The following IQSEC1 variants were observed in gnomAD, a reference collection of about 807,000 sequenced individuals.
IQSEC1 encodes IQ motif and SEC7 domain-containing protein 1.
In IQSEC1, 31 loss-of-function variants were observed where a neutral mutation model predicts 91.0. The observed-to-expected ratio is 0.34, with a 90% CI of 0.26 to 0.46. IQSEC1 has a LOEUF of 0.46. Among genes scored for constraint, IQSEC1 ranks in the 20% least tolerant of loss-of-function variants. The pLI is 1.00. For missense variants in IQSEC1, 1,388 were observed against 1,575.6 expected, an observed-to-expected ratio of 0.88 and a Z score of 2.02; for synonymous variants, 699 against 662.6, an observed-to-expected ratio of 1.05 and a Z score of -0.84.
At chr3:13,006,423 T>C (rs987641925) in intron 1 of IQSEC1, among the ~76,000 whole-genome samples, 1 of 152,046 alleles carries the variant, frequency 6.6e-6, no homozygotes, top group African/African-American at 2.4e-5. Flanking sequence ...GGGACCCCCA[T>C]GTGAGGAGGC....
intron 1 of IQSEC1, among the ~76,000 whole-genome samples, chr3:13,241,274 A>T (rs1695017496): frequency 6.6e-6 from 1 of 152,240 alleles, no homozygotes; most frequent in Non-Finnish European, 1.5e-5. Flanking sequence ...GCCAGACACA[A>T]GCAGGCGAAA....
chr3:12,950,038 C>A (rs574650720), intron 1 of IQSEC1, among the ~76,000 whole-genome samples: 49 of 152,346 alleles, frequency 3.2e-4, no homozygotes, highest in African/African-American at 1.2e-3. Context: ...GGGTCACCCA[C>A]ACGTATGCTC....
intron 2 of IQSEC1, among the ~76,000 whole-genome samples, chr3:13,107,987 T>C (rs941426414): frequency 1.3e-5 from 2 of 152,224 alleles, no homozygotes; most frequent in Admixed American, 1.3e-4. Context: ...CTGCCACTCG[T>C]ATCTTATGGC....
intron 1 of IQSEC1, among the ~76,000 whole-genome samples, chr3:13,198,317 T>C (rs888004673): frequency 6.6e-6 from 1 of 151,936 alleles, no homozygotes; most frequent in Non-Finnish European, 1.5e-5. Flanking sequence ...AAACACAAAA[T>C]ATTTAAAGAG....
At chr3:13,185,677 C>T (rs546560023) in intron 1 of IQSEC1, among the ~76,000 whole-genome samples, 42 of 152,254 alleles carry the variant, frequency 2.8e-4, no homozygotes, top group African/African-American at 9.1e-4. Context: ...ATGGGGAACC[C>T]GAGGTTCACA....
intron 2 of IQSEC1, 25 bp from the exon 3 acceptor site, chr3:12,936,722 AAC>A: frequency 1.9e-6 from 3 of 1,544,056 alleles, no homozygotes; most frequent in Non-Finnish European, 1.7e-6. Context: ...GGAGAATGAG[AAC>A]AGCACTGCAT....
intron 1 of IQSEC1, among the ~76,000 whole-genome samples, chr3:13,018,412 A>G (rs759531030): frequency 2.0e-4 from 30 of 152,308 alleles, no homozygotes; most frequent in Non-Finnish European, 3.7e-4. Context: ...CCTGGGCCCC[A>G]TGTGTTCCAA....
intron 1 of IQSEC1, among the ~76,000 whole-genome samples, chr3:13,237,542 G>T (rs561311692): frequency 3.9e-5 from 6 of 152,170 alleles, no homozygotes. Context: ...TGCAGGCCCC[G>T]GTTCCCCCAC....
chr3:13,132,694 T>C (rs1048240464), intron 2 of IQSEC1, among the ~76,000 whole-genome samples: 6 of 152,346 alleles, frequency 3.9e-5, no homozygotes, highest in African/African-American at 1.2e-4. Flanking sequence ...CAGGGATTCA[T>C]TGTCTGATGT....
Position 13,060,391 on chromosome 3 carries a change from G to A in IQSEC1, c.23+12601C>T, listed in dbSNP as rs1191131119. ...CTGCAGTGAACAGGCTCCTGCGGTGGGGCCCGGGACCTTACGGCTGGATCC... is the reference window on the plus strand; with the variant it reads ...CTGCAGTGAACAGGCTCCTGCGGTGAGGCCCGGGACCTTACGGCTGGATCC... On this transcript the variant is annotated intron_variant, in intron 1 of 13. Coordinates refer to ENST00000613206, the MANE Select transcript of IQSEC1 (RefSeq NM_001134382.3). Among the ~76,000 whole-genome samples the A allele has an allele frequency of 2.0e-5, 3 of 147,474 alleles. No individual in the cohort carries two copies. In the East Asian group the frequency reaches 6.0e-4, roughly 30 times the overall value.
At chr3:13,128,659 A>T (rs1706557610) in intron 2 of IQSEC1, among the ~76,000 whole-genome samples, 1 of 152,050 alleles carries the variant, frequency 6.6e-6, no homozygotes, top group African/African-American at 2.4e-5. Context: ...AGGTCAGGAG[A>T]TCGAGACCAT....
intron 10 of IQSEC1, among the ~76,000 whole-genome samples, chr3:12,910,209 G>A (rs1269546177): frequency 1.3e-5 from 2 of 152,218 alleles, no homozygotes; most frequent in Non-Finnish European, 2.9e-5. Flanking sequence ...CCATATAAAA[G>A]ATAACTGAGC....
chr3:13,111,772 C>T (rs1267203566), intron 2 of IQSEC1, among the ~76,000 whole-genome samples: 3 of 152,152 alleles, frequency 2.0e-5, no homozygotes, highest in East Asian at 1.9e-4. Context: ...AGAAGGCAGC[C>T]GTCTGTGAAC....
At chr3:12,952,672 C>T (rs1258433572) in intron 1 of IQSEC1, among the ~76,000 whole-genome samples, 2 of 152,230 alleles carry the variant, frequency 1.3e-5, no homozygotes, top group Admixed American at 6.5e-5. Flanking sequence ...CCAGCCCAGC[C>T]CCCTGGCCTC....
At chr3:13,274,330 C>T (rs185438660) in intron 1 of IQSEC1, among the ~76,000 whole-genome samples, 7 of 152,364 alleles carry the variant, frequency 4.6e-5, no homozygotes, top group African/African-American at 1.7e-4. Flanking sequence ...GCCAGCACTC[C>T]ACAGGCAGCT....
chr3:12,901,663 G>C (rs1323807576), intron 13 of IQSEC1, 141 bp from the exon 14 acceptor site: 10 of 748,160 alleles, frequency 1.3e-5, no homozygotes, highest in African/African-American at 3.5e-5. Context: ...GTGGGGCTCA[G>C]TGAGGCTGGA....
chr3:13,180,999 C>T (rs9874730), intron 1 of IQSEC1, among the ~76,000 whole-genome samples: 5,120 of 152,210 alleles, frequency 0.034, 287 homozygotes, highest in African/African-American at 0.12. Context: ...AGGCTGGGCG[C>T]GGTGGCTCAT....
chr3:12,913,163 A>G (rs1695731653), intron 9 of IQSEC1, among the ~76,000 whole-genome samples: 1 of 152,254 alleles, frequency 6.6e-6, no homozygotes, highest in Admixed American at 6.5e-5. Flanking sequence ...CACACAAGGT[A>G]CAGGTGCAGA....
intron 2 of IQSEC1, among the ~76,000 whole-genome samples, chr3:13,161,884 C>T (rs1223829478): frequency 2.0e-5 from 3 of 152,170 alleles, no homozygotes; most frequent in Admixed American, 6.5e-5. Flanking sequence ...GTGTGCCAGT[C>T]CCCCTGCAAC....
Sources: allele counts gnomAD v4.1 joint callset (sites outside exome capture counted in the v4.1 genomes callset), GRCh38; gene constraint gnomAD v4.1.1; transcripts MANE v1.5; gene names NCBI Gene and HGNC (gene_info 2026-07-23, HGNC 2026-07-21).